ZNF804A: variants seen among roughly 807,000 people sequenced by gnomAD.
The protein encoded by ZNF804A is zinc finger protein 804A.
Under a neutral mutation model 16.5 loss-of-function variants are expected in ZNF804A, and 2 were observed. That is an observed-to-expected ratio of 0.12 (90% CI 0.05 to 0.38). ZNF804A has a LOEUF of 0.38. ZNF804A is among the 10% of genes least tolerant of loss of function. The pLI, the probability that ZNF804A is intolerant of heterozygous loss-of-function variation, is 0.99. For missense variants in ZNF804A, 1,473 were observed against 1,390.7 expected (o/e 1.06, Z -0.94); for synonymous variants, 534 against 489.6 (o/e 1.09, Z -1.20).
intron 1 of ZNF804A, among the ~76,000 whole-genome samples, chr2:184,736,704 T>TAA (rs111537477): frequency 3.3e-5 from 5 of 151,772 alleles, no homozygotes; most frequent in African/African-American, 1.2e-4. Context: ...GAACTTAAAT[T>TAA]AAAAAAAGAA....
chr2:184,779,406 G>C (rs1007293417), intron 1 of ZNF804A, among the ~76,000 whole-genome samples: 1 of 151,694 alleles, frequency 6.6e-6, no homozygotes, highest in Non-Finnish European at 1.5e-5. Context: ...ACAAATATGA[G>C]GGAAAATGTC....
At chr2:184,875,434 C>G (rs1005461515) in intron 2 of ZNF804A, among the ~76,000 whole-genome samples, 1 of 152,116 alleles carries the variant, frequency 6.6e-6, no homozygotes, top group African/African-American at 2.4e-5. Context: ...CTTGTGCCCT[C>G]TCTGGCCATG....
intron 1 of ZNF804A, among the ~76,000 whole-genome samples, chr2:184,675,345 A>G (rs1289259542): frequency 6.6e-6 from 1 of 151,848 alleles, no homozygotes; most frequent in African/African-American, 2.4e-5. Context: ...TCTCCACAAT[A>G]TAAAGCAATA....
intron 1 of ZNF804A, among the ~76,000 whole-genome samples, chr2:184,810,651 C>T (rs940127107): frequency 1.3e-5 from 2 of 151,846 alleles, no homozygotes; most frequent in African/African-American, 4.8e-5. Context: ...CCACCACGCC[C>T]GGCTAATTTT....
At chr2:184,707,515 C>T (rs1480629398) in intron 1 of ZNF804A, among the ~76,000 whole-genome samples, 2 of 152,012 alleles carry the variant, frequency 1.3e-5, no homozygotes, top group African/African-American at 4.8e-5. Flanking sequence ...TGTTTAGCTC[C>T]CACTTATAAG....
intron 1 of ZNF804A, among the ~76,000 whole-genome samples, chr2:184,680,232 C>T (rs989754239): frequency 2.6e-4 from 40 of 151,306 alleles, no homozygotes; most frequent in African/African-American, 7.5e-4. Context: ...GACCTACCTG[C>T]GGAGAAGAGC....
At chr2:184,769,847 A>G (rs1331562587) in intron 1 of ZNF804A, among the ~76,000 whole-genome samples, 1 of 152,082 alleles carries the variant, frequency 6.6e-6, no homozygotes, top group Non-Finnish European at 1.5e-5. Flanking sequence ...ATGTTTGCCA[A>G]GTAAGATATC....
At chr2:184,628,113 G>A (rs1398978303) in intron 1 of ZNF804A, among the ~76,000 whole-genome samples, 1 of 152,068 alleles carries the variant, frequency 6.6e-6, no homozygotes, top group Non-Finnish European at 1.5e-5. Context: ...TCTGGAGTTG[G>A]AGACCAGCCT....
chr2:184,651,184 C>A (rs1265612381), intron 1 of ZNF804A, among the ~76,000 whole-genome samples: 1 of 151,990 alleles, frequency 6.6e-6, no homozygotes, highest in African/African-American at 2.4e-5. Context: ...CAAAAACAAG[C>A]AATGGGGAAA....
chr2:184,878,914 A>G (rs879575692), intron 2 of ZNF804A, among the ~76,000 whole-genome samples: 2 of 152,042 alleles, frequency 1.3e-5, no homozygotes, highest in Non-Finnish European at 2.9e-5. Context: ...GATCATGAAT[A>G]AAGTCTATGG....
At chr2:184,827,495 A>T (rs7585984) in intron 1 of ZNF804A, among the ~76,000 whole-genome samples, 1,898 of 146,624 alleles carry the variant, frequency 0.013, 34 homozygotes, top group African/African-American at 0.044. Flanking sequence ...TATATATATA[A>T]AAATATATAT....
chr2:184,702,737 G>A (rs1692941222), intron 1 of ZNF804A, among the ~76,000 whole-genome samples: 1 of 152,110 alleles, frequency 6.6e-6, no homozygotes, highest in Non-Finnish European at 1.5e-5. Context: ...ATTCAGGGAA[G>A]CAGCAATTTA....
intron 2 of ZNF804A, among the ~76,000 whole-genome samples, chr2:184,869,197 C>T (rs1198133912): frequency 6.6e-6 from 1 of 151,916 alleles, no homozygotes; most frequent in Non-Finnish European, 1.5e-5. Flanking sequence ...GGACACTCAA[C>T]CCATATACTC....
chr2:184,610,117 C>T (rs1178902210), intron 1 of ZNF804A, among the ~76,000 whole-genome samples: 1 of 152,094 alleles, frequency 6.6e-6, no homozygotes, highest in Non-Finnish European at 1.5e-5. Context: ...TTATAAAAAT[C>T]AATTTGGCTG....
chr2:184,912,115 CA>C (rs985881450), intron 2 of ZNF804A, among the ~76,000 whole-genome samples: 1 of 151,858 alleles, frequency 6.6e-6, no homozygotes, highest in Non-Finnish European at 1.5e-5. Flanking sequence ...TTCACCTTCA[CA>C]AAAAACAACT....
intron 1 of ZNF804A, among the ~76,000 whole-genome samples, chr2:184,769,708 G>A (rs1694183140): frequency 1.3e-5 from 2 of 152,010 alleles, no homozygotes; most frequent in Non-Finnish European, 2.9e-5. Flanking sequence ...AGCAAGGAAA[G>A]CCATGATAGC....
At chr2:184,894,886 G>C (rs1432386276) in intron 2 of ZNF804A, among the ~76,000 whole-genome samples, 1 of 151,792 alleles carries the variant, frequency 6.6e-6, no homozygotes, top group African/African-American at 2.4e-5. Flanking sequence ...GTAGAGGCGG[G>C]GTTTCACCGT....
rs199523267 is a variant in ZNF804A at position 184,937,124 on chromosome 2, A to T, written c.1728A>T (p.Lys576Asn). Reference protein sequence around the residue: ...SQIKQDTLDEKYNKIRLKETH... With the variant: ...SQIKQDTLDENYNKIRLKETH... ...TAAAACAGGACACTCTAGATGAAAA[A>T]TACAACAAAATAAGGTTGAAAGAGA... is the stretch of plus-strand genomic sequence containing the variant. The change falls in exon 4 of 4, where the codon AAA becomes AAT. Residue 576 changes from lysine to asparagine, a missense_variant. Coordinates refer to ENST00000302277, the MANE Select transcript of ZNF804A (RefSeq NM_194250.2). The T allele has an allele frequency of 6.2e-5, 100 of 1,603,682 alleles. No homozygotes were observed. The highest frequency in any genetic ancestry group is 7.0e-5 in the Admixed American group (4 of 56,948).
chr2:184,703,788 T>TA, intron 1 of ZNF804A, among the ~76,000 whole-genome samples: 1 of 151,390 alleles, frequency 6.6e-6, no homozygotes, highest in Non-Finnish European at 1.5e-5. Context: ...TTTGAATGAA[T>TA]GCTGCAGTAT....
Sources: gnomAD v4.1 joint callset for allele counts (sites outside exome capture counted in the v4.1 genomes callset) on GRCh38, gnomAD v4.1.1 for gene constraint, MANE v1.5 for transcripts, NCBI Gene and HGNC (gene_info 2026-07-23, HGNC 2026-07-21) for gene names.